The following UNC13C variants were observed in gnomAD, a reference collection of about 807,000 sequenced individuals.
UNC13C encodes the protein protein unc-13 homolog C.
A neutral mutation model predicts 245.4 loss-of-function variants in UNC13C; 174 were observed. The observed-to-expected ratio is 0.71, with a 90% CI of 0.63 to 0.80. The LOEUF (loss-of-function observed/expected upper bound fraction) is 0.80, where lower values mean the gene tolerates loss of function less well. Ranked by LOEUF, UNC13C falls within the 30% of genes least tolerant of loss-of-function variation. The pLI is 0.00. For synonymous variants in UNC13C, 992 were observed against 895.1 expected (o/e 1.11, Z -1.93); for missense variants, 2,829 against 2,602.9 (o/e 1.09, Z -1.89).
At chr15:54,446,219 G>C (rs1197443654) in intron 19 of UNC13C, among the ~76,000 whole-genome samples, 2 of 152,152 alleles carry the variant, frequency 1.3e-5, no homozygotes, top group African/African-American at 4.8e-5. Flanking sequence ...TTTAAAGTCA[G>C]GTAGCGTGAT....
intron 2 of UNC13C, among the ~76,000 whole-genome samples, chr15:54,059,858 C>A (rs940201300): frequency 1.2e-4 from 18 of 152,122 alleles, no homozygotes; most frequent in African/African-American, 4.3e-4. Context: ...CAAAAACAAG[C>A]AATGGGGAAA....
intron 4 of UNC13C, among the ~76,000 whole-genome samples, chr15:54,157,630 C>A (rs770833910): frequency 6.6e-6 from 1 of 152,078 alleles, no homozygotes; most frequent in Non-Finnish European, 1.5e-5. Context: ...GCTACCCCAA[C>A]GGGCTACTCA....
At chr15:54,624,605 T>C (rs560490226) in intron 32 of UNC13C, among the ~76,000 whole-genome samples, 8 of 152,280 alleles carry the variant, frequency 5.3e-5, no homozygotes, top group Non-Finnish European at 8.8e-5. Flanking sequence ...TTATTTTGTT[T>C]GCTGTGTACA....
chr15:54,276,889 T>A (rs2036847281), intron 10 of UNC13C, among the ~76,000 whole-genome samples: 1 of 152,118 alleles, frequency 6.6e-6, no homozygotes, highest in South Asian at 2.1e-4. Flanking sequence ...AAGGACAACC[T>A]CCTAAAATAA....
chr15:54,330,524 A>T (rs1183700333), intron 14 of UNC13C, among the ~76,000 whole-genome samples: 1 of 152,068 alleles, frequency 6.6e-6, no homozygotes, highest in African/African-American at 2.4e-5. Context: ...TTGATCAGTC[A>T]CTTCAACTGT....
upstream of UNC13C, among the ~76,000 whole-genome samples, chr15:53,974,578 C>T (rs771405963): frequency 5.3e-5 from 8 of 152,158 alleles, no homozygotes; most frequent in Non-Finnish European, 7.3e-5. Flanking sequence ...TTTATGAAAG[C>T]GCTTAGAAGG....
the UNC13C span, among the ~76,000 whole-genome samples, chr15:53,843,527 A>AT: frequency 2.0e-5 from 3 of 151,644 alleles, no homozygotes; most frequent in African/African-American, 4.9e-5. Context: ...TGTTTTACTT[A>AT]TTTTTTTATA....
chr15:54,283,495 A>G (rs1330928239), intron 10 of UNC13C, among the ~76,000 whole-genome samples: 1 of 152,134 alleles, frequency 6.6e-6, no homozygotes, highest in Non-Finnish European at 1.5e-5. Flanking sequence ...TTATTGTATC[A>G]GTATATATAC....
At chr15:54,509,225 T>G (rs1596492095) in intron 23 of UNC13C, among the ~76,000 whole-genome samples, 1 of 152,068 alleles carries the variant, frequency 6.6e-6, no homozygotes, top group Non-Finnish European at 1.5e-5. Flanking sequence ...AAAAAAGATA[T>G]GACCAAAACA....
At chr15:54,609,589 C>A (rs1254821580) in intron 30 of UNC13C, 5 of 152,092 alleles carry the variant, frequency 3.3e-5, no homozygotes, top group Non-Finnish European at 7.3e-5. Context: ...TTAAACAATT[C>A]AGATAATATG....
chr15:54,015,683 A>G lies in UNC13C; in HGVS notation c.2780A>G (p.Asp927Gly). Reference protein sequence around the residue: ...PQDEGYDGPADDMVSEEGLEP... With the variant: ...PQDEGYDGPAGDMVSEEGLEP... ...GATGAGGGTTATGATGGTCCAGCAG[A>G]TGATATGGTTAGTGAAGAGGGGTTA... The change falls in exon 2 of 33, where the codon GAT (aspartate) becomes GGT (glycine). Residue 927 changes from aspartate (D) to glycine (G), a missense_variant. Transcript: ENST00000260323. The G allele has an allele frequency of 1.2e-6, 2 of 1,613,768 alleles. No individual in the cohort carries two copies. The highest frequency in any genetic ancestry group is 1.7e-6 in the Non-Finnish European group (2 of 1,179,776).
At chr15:54,389,707 G>A (rs2039912570) in intron 17 of UNC13C, among the ~76,000 whole-genome samples, 1 of 151,628 alleles carries the variant, frequency 6.6e-6, no homozygotes, top group Admixed American at 6.6e-5. Context: ...GGTTTTGTGT[G>A]TACACAGCCT....
chr15:54,100,137 C>A (rs1219731891), intron 2 of UNC13C, among the ~76,000 whole-genome samples: 3 of 148,522 alleles, frequency 2.0e-5, no homozygotes, highest in Non-Finnish European at 4.5e-5. Context: ...AAATTAAATT[C>A]TCCTTGCACT....
intron 24 of UNC13C, among the ~76,000 whole-genome samples, chr15:54,520,970 G>C (rs1185680709): frequency 1.3e-5 from 2 of 152,168 alleles, no homozygotes; most frequent in African/African-American, 4.8e-5. Context: ...TTCATTGTCT[G>C]TTGTTTATTT....
chr15:54,326,894 A>G (rs1395999558), intron 14 of UNC13C, among the ~76,000 whole-genome samples: 1 of 152,080 alleles, frequency 6.6e-6, no homozygotes, highest in African/African-American at 2.4e-5. Flanking sequence ...AAACACAGCC[A>G]TCCTTGAAAT....
intron 17 of UNC13C, among the ~76,000 whole-genome samples, chr15:54,360,630 C>T (rs964238496): frequency 2.0e-5 from 3 of 152,044 alleles, no homozygotes; most frequent in Non-Finnish European, 4.4e-5. Context: ...AAGAACTCAC[C>T]TTAGCATTTT....
At chr15:54,235,931 A>G (rs1227333941) in intron 5 of UNC13C, among the ~76,000 whole-genome samples, 3 of 152,008 alleles carry the variant, frequency 2.0e-5, no homozygotes, top group Non-Finnish European at 4.4e-5. Flanking sequence ...TCTGATCATG[A>G]CTCTGAATAA....
intron 1 of UNC13C, among the ~76,000 whole-genome samples, chr15:53,990,951 A>G (rs1420626553): frequency 6.6e-6 from 1 of 152,028 alleles, no homozygotes; most frequent in Non-Finnish European, 1.5e-5. Context: ...ATGACAGAGA[A>G]CGAAGTTGTA....
At chr15:53,965,227 C>A in the UNC13C span, among the ~76,000 whole-genome samples, 1 of 152,106 alleles carries the variant, frequency 6.6e-6, no homozygotes, top group African/African-American at 2.4e-5. Flanking sequence ...ACGTGCCTAT[C>A]AACTGGTTTC....
Sources: allele counts gnomAD v4.1 joint callset (sites outside exome capture counted in the v4.1 genomes callset), GRCh38; gene constraint gnomAD v4.1.1; transcripts MANE v1.5; gene names NCBI Gene and HGNC (gene_info 2026-07-23, HGNC 2026-07-21).